The following VARS2 variants were observed in gnomAD, a reference collection of about 807,000 sequenced individuals.
VARS2 encodes valine--tRNA ligase, mitochondrial.
A neutral mutation model predicts 154.1 loss-of-function variants in VARS2; 105 were observed. That is an observed-to-expected ratio of 0.68 (90% CI 0.58 to 0.80). The LOEUF is 0.80. Among genes scored for constraint, VARS2 ranks in the 30% least tolerant of loss-of-function variants. The pLI, the probability that VARS2 is intolerant of heterozygous loss-of-function variation, is 0.00. For missense variants in VARS2, 1,157 were observed against 1,361.4 expected (o/e 0.85, Z 2.36); for synonymous variants, 483 against 539.5 (o/e 0.90, Z 1.45).
chr6:30,922,973 C>A lies in VARS2; in HGVS notation c.2182C>A (p.Gln728Lys). The A allele has an allele frequency of 6.2e-7, 1 of 1,608,902 alleles. No individual in the cohort carries two copies. The highest frequency in any genetic ancestry group is 8.5e-7 in the Non-Finnish European group (1 of 1,177,000). Residue 728 changes from glutamine (Q) to lysine (K), a missense_variant, in exon 23 of 30, where the codon CAG becomes AAG. Physicochemically the swap from Gln to Lys is moderately conservative, Grantham distance 53. Coordinates refer to ENST00000676266, the MANE Select transcript of VARS2 (RefSeq NM_020442.6). ...ATTCACACTCTGCTCCCATGGAGTT[C>A]AGGGTAAGCCTGGGCGAGGGGTGTC... ...LRFTLCSHGV[Q>K]AGDLHLSVSE...
chr6:30,924,018 G>GTGC (rs9281080), intron 25 of VARS2: 120,807 of 426,848 alleles, frequency 0.28, 17,056 homozygotes, highest in Non-Finnish European at 0.33. Flanking sequence ...GTCCCAAGTG[G>GTGC]TGCTGCTGCT....
In VARS2 at chr6:30,917,904, A is replaced by C; in HGVS notation, c.985+98A>C. 2.4e-6 allele frequency: 3 copies of C among 1,261,340 alleles called. No individual in the cohort carries two copies. The highest frequency in any genetic ancestry group is 3.4e-6 in the Non-Finnish European group (3 of 891,308). The allele number at this position is 1,261,340 out of a possible 1,614,324, so 78.1% of individuals were successfully genotyped here. Reference sequence around the variant, plus strand: ...CTAGGAACCCATCAGTCCATCTCTCACATGTACCTTGGTAGTGTTCACCTC... The same window carrying C: ...CTAGGAACCCATCAGTCCATCTCTCCCATGTACCTTGGTAGTGTTCACCTC... On this transcript the variant is annotated intron_variant, in intron 10 of 29. Coordinates refer to ENST00000676266, the MANE Select transcript of VARS2 (RefSeq NM_020442.6). The surrounding 1 kb of genome is among the most constrained non-coding windows in gnomAD (Gnocchi z 4.4).
At chr6:30,922,814 C>A in intron 22 of VARS2, 40 bp downstream of exon 22, 2 of 1,589,244 alleles carry the variant, frequency 1.3e-6, no homozygotes, top group South Asian at 2.3e-5. Flanking sequence ...CTCTAGCTCA[C>A]CACCTCTGGC....
intron 4 of VARS2, 116 bp from the exon 5 acceptor site, chr6:30,915,627 TCTC>T (rs1315421172): frequency 2.0e-4 from 298 of 1,527,808 alleles, no homozygotes; most frequent in Non-Finnish European, 2.6e-4. Context: ...TCCTCTCCAC[TCTC>T]CTCTTATTTG....
At chr6:30,915,897 C>A in intron 5 of VARS2, 30 bp downstream of exon 5, 1 of 1,613,910 alleles carries the variant, frequency 6.2e-7, no homozygotes, top group South Asian at 1.1e-5. Context: ...TGCTTGAGTT[C>A]TTGGAAGGGA....
At chr6:30,925,512 GGC>G (rs1562464138) in intron 27 of VARS2, 30 bp from the exon 28 acceptor site, 1 of 1,559,672 alleles carries the variant, frequency 6.4e-7, no homozygotes, top group Non-Finnish European at 8.6e-7. Context: ...CAGGAGCTGA[GGC>G]CTTGCCCCTG....
Position 30,921,431 on chromosome 6 carries a change from C to G in VARS2, c.1632+126C>G, listed in dbSNP as rs1794505805. 1 of 1,436,286 alleles carries G rather than the reference C, an allele frequency of 7.0e-7. No individual in the cohort carries two copies. Among genetic ancestry groups the G allele is most frequent in the Non-Finnish European group, 9.6e-7 (1 of 1,038,532 alleles). 89.0% of individuals were successfully genotyped at this position (1,436,286 alleles called of 1,614,324 possible). A position where few individuals can be genotyped will look rare whatever the true frequency, so the allele number is the denominator to read the frequency against. ...TGCTTCATGCTCATAGTCATGTAACCTTCTGCGCGATCAAGGCTCCCTGAA... is the reference window on the plus strand; with the variant it reads ...TGCTTCATGCTCATAGTCATGTAACGTTCTGCGCGATCAAGGCTCCCTGAA... On this transcript the variant is annotated intron_variant, in intron 17 of 29. Transcript: ENST00000676266. This position sits in a 1 kb window ranked among gnomAD's most constrained non-coding sequence, Gnocchi z 4.6.
chr6:30,914,859 C>T lies in VARS2; in HGVS notation c.23C>T (p.Ser8Phe). 1 of 1,613,070 alleles carries T rather than the reference C, an allele frequency of 6.2e-7. No individual in the cohort carries two copies. Among genetic ancestry groups the T allele is most frequent in the Non-Finnish European group, 8.5e-7 (1 of 1,180,036 alleles). Residue 8 changes from serine (S) to phenylalanine (F), a missense_variant, in exon 2 of 30, where the codon TCT becomes TTT. By Grantham distance (155) the Ser-to-Phe change is radical. Transcript: ENST00000676266. ...CTGATGCCTCATTTGCCTCTCGCCT[C>T]TTTTCGACCACCATTTTGGGGGCTG... MPHLPLA[S>F]FRPPFWGLRH...
At position 30,916,425 on chromosome 6, in the gene VARS2, G is replaced by A; in HGVS notation, c.671+176G>A. 2 of 570,092 alleles carry A rather than the reference G, an allele frequency of 3.5e-6. No homozygotes were observed. 35.3% of individuals were successfully genotyped at this position (570,092 alleles called of 1,614,324 possible). On this transcript the variant is annotated intron_variant, in intron 7 of 29. Coordinates refer to ENST00000676266, the MANE Select transcript of VARS2 (RefSeq NM_020442.6). The surrounding 1 kb of genome is among the most constrained non-coding windows in gnomAD (Gnocchi z 4.0). ...GGTGGAGTTTCTAAGCCTTATGTGTGTGGATATTATATATGCATTAGAATA... is the reference window on the plus strand; with the variant it reads ...GGTGGAGTTTCTAAGCCTTATGTGTATGGATATTATATATGCATTAGAATA...
Position 30,917,938 on chromosome 6 carries a change from C to A in VARS2, c.985+132C>A, listed in dbSNP as rs1441460446. The A allele has an allele frequency of 8.6e-6, 8 of 927,400 alleles. No homozygotes were observed. In the African/African-American group the frequency reaches 1.2e-4, roughly 14 times the overall value. The allele number at this position is 927,400 out of a possible 1,614,324, so 57.4% of individuals were successfully genotyped here. On this transcript the variant is annotated intron_variant, in intron 10 of 29. Coordinates refer to ENST00000676266, the MANE Select transcript of VARS2 (RefSeq NM_020442.6). The surrounding 1 kb of genome is among the most constrained non-coding windows in gnomAD (Gnocchi z 4.4). ...TTGGTAGTGTTCACCTCAGCGTGGG[C>A]ACTTACCCAGGGTCTTCTGGGGGAT...
chr6:30,922,295 C>T, intron 20 of VARS2, 54 bp downstream of exon 20: 1 of 1,595,808 alleles, frequency 6.3e-7, no homozygotes, highest in South Asian at 1.1e-5. Flanking sequence ...TTCCCCAAAC[C>T]TTGTCCTCCC....
At position 30,920,970 on chromosome 6, in the gene VARS2, G is replaced by C; in HGVS notation, c.1480-95G>C. 1 of 1,362,088 alleles carries C rather than the reference G, an allele frequency of 7.3e-7. No homozygotes were observed. The highest frequency in any genetic ancestry group is 9.9e-7 in the Non-Finnish European group (1 of 1,008,568). 84.4% of individuals were successfully genotyped at this position (1,362,088 alleles called of 1,614,324 possible). A position where few individuals can be genotyped will look rare whatever the true frequency, so the allele number is the denominator to read the frequency against. On this transcript the variant is annotated intron_variant, in intron 15 of 29. Transcript: ENST00000676266. This position sits in a 1 kb window ranked among gnomAD's most constrained non-coding sequence, Gnocchi z 4.6. ...GCAAGAGGCTTGGGAGGTCCTTTCT[G>C]AGTTTTAAAATGACCTCAGAGGCCA...
In VARS2 at chr6:30,924,600, G is replaced by C. The variant is rs2252760; in HGVS notation, c.2673+40G>C. 0.33 allele frequency: 364,844 copies of C among 1,115,990 alleles called. 62,269 individuals carry two copies. Among genetic ancestry groups the C allele is most frequent in the Non-Finnish European group, 0.35 (276,823 of 781,314 alleles). 69.1% of individuals were successfully genotyped at this position (1,115,990 alleles called of 1,614,324 possible). A position where few individuals can be genotyped will look rare whatever the true frequency, so the allele number is the denominator to read the frequency against. ...CCTTGGAGTGGGTCTGTGGGTGAAT[G>C]GGGGGGAGCACCTTCTGAAGGGGTT... is the stretch of plus-strand genomic sequence containing the variant. On this transcript the variant is annotated intron_variant, in intron 26 of 29. Transcript: ENST00000676266.
Position 30,922,100 on chromosome 6 carries a change from C to T in VARS2, c.1807-16C>T, listed in dbSNP as rs774585148. ...GGCCTGGGGCCTGGGCCTCTTACTGCTCCTCTTCCCCCTAGACCCCAGACC... is the reference window on the plus strand; with the variant it reads ...GGCCTGGGGCCTGGGCCTCTTACTGTTCCTCTTCCCCCTAGACCCCAGACC... On this transcript the variant is annotated splice_polypyrimidine_tract_variant and intron_variant, in intron 19 of 29. Coordinates refer to ENST00000676266, the MANE Select transcript of VARS2 (RefSeq NM_020442.6). 6.2e-6 allele frequency: 10 copies of T among 1,612,258 alleles called. No homozygotes were observed. The highest frequency in any genetic ancestry group is 7.6e-6 in the Non-Finnish European group (9 of 1,179,692).
chr6:30,916,900 C>G lies in VARS2; in HGVS notation c.694C>G (p.Gln232Glu). The G allele has an allele frequency of 6.2e-7, 1 of 1,614,170 alleles. No individual in the cohort carries two copies. Among genetic ancestry groups the G allele is most frequent in the Non-Finnish European group, 8.5e-7 (1 of 1,180,018 alleles). The change falls in exon 8 of 30, where the codon CAG becomes GAG. Residue 232 changes from glutamine to glutamate, a missense_variant. By Grantham distance (29) the Gln-to-Glu change is conservative. Coordinates refer to ENST00000676266, the MANE Select transcript of VARS2 (RefSeq NM_020442.6). The surrounding 1 kb of genome is among the most constrained non-coding windows in gnomAD (Gnocchi z 4.0). ...KEAKGGEICE[Q>E]LRALGASLDW... is the part of the protein sequence containing the mutation. Reference sequence around the variant, plus strand: ...CAGGAAAGGTGGAGAGATCTGTGAGCAGCTGCGAGCTCTGGGTGCCTCCCT... The same window carrying G: ...CAGGAAAGGTGGAGAGATCTGTGAGGAGCTGCGAGCTCTGGGTGCCTCCCT...
chr6:30,921,349 C>T lies in VARS2; in HGVS notation c.1632+44C>T. On this transcript the variant is annotated intron_variant, in intron 17 of 29. Transcript: ENST00000676266. This position sits in a 1 kb window ranked among gnomAD's most constrained non-coding sequence, Gnocchi z 4.6. ...CCGGAGGGCCGAGTGTGGCACAGAG[C>T]ACCTAGCCCAGGAGTCAGAGCTCCG... 2 of 1,610,146 alleles carry T rather than the reference C, an allele frequency of 1.2e-6. No individual in the cohort carries two copies. The highest frequency in any genetic ancestry group is 1.7e-6 in the Non-Finnish European group (2 of 1,176,852).
In VARS2 at chr6:30,917,256, G is replaced by C. The variant is rs371486145; in HGVS notation, c.873+32G>C. 14 of 1,613,658 alleles carry C rather than the reference G, an allele frequency of 8.7e-6. No individual in the cohort carries two copies. The African/African-American group carries it at 1.6e-4, about 18-fold the overall frequency. On this transcript the variant is annotated intron_variant, in intron 9 of 29. Coordinates refer to ENST00000676266, the MANE Select transcript of VARS2 (RefSeq NM_020442.6). This position sits in a 1 kb window ranked among gnomAD's most constrained non-coding sequence, Gnocchi z 4.4. ...CGGAGAGAGGGAAGCAGGTTTGTGAGAGCTCTGAGGCAGAGTGGTCAATGA... is the reference window on the plus strand; with the variant it reads ...CGGAGAGAGGGAAGCAGGTTTGTGACAGCTCTGAGGCAGAGTGGTCAATGA...
At position 30,920,564 on chromosome 6, in the gene VARS2, A is replaced by C. The variant is rs994471537; in HGVS notation, c.1398-104A>C. On this transcript the variant is annotated intron_variant, in intron 14 of 29. Transcript: ENST00000676266. This position sits in a 1 kb window ranked among gnomAD's most constrained non-coding sequence, Gnocchi z 4.6. ...GAGCTCCGTGTCGGTTTTATTCGCT[A>C]TTGTATCCTCAGTACCAAGGGCCTG... 7.4e-7 allele frequency: 1 copy of C among 1,350,272 alleles called. No individual in the cohort carries two copies. The highest frequency in any genetic ancestry group is 1.0e-6 in the Non-Finnish European group (1 of 996,728). The allele number at this position is 1,350,272 out of a possible 1,614,324, so 83.6% of individuals were successfully genotyped here.
chr6:30,925,608 C>T lies in VARS2; in HGVS notation c.2850C>T (p.Gly950=). The part of the protein sequence containing the change: ...GLFEAFLEPL[G]TLGYCGAVGL... ...TCGAGGCCTTCTTGGAGCCCCTGGGCACCCTGGGCTACTGTGGGGCTGTGG... is the reference window on the plus strand; with the variant it reads ...TCGAGGCCTTCTTGGAGCCCCTGGGTACCCTGGGCTACTGTGGGGCTGTGG... The change falls in exon 28 of 30, where the codon GGC becomes GGT. Residue 950 remains glycine, a synonymous_variant. Coordinates refer to ENST00000676266, the MANE Select transcript of VARS2 (RefSeq NM_020442.6). 2 of 1,611,466 alleles carry T rather than the reference C, an allele frequency of 1.2e-6. No individual in the cohort carries two copies. Among genetic ancestry groups the T allele is most frequent in the South Asian group, 1.1e-5 (1 of 90,992 alleles).
Sources: allele counts gnomAD v4.1 joint callset, GRCh38; gene constraint gnomAD v4.1.1; non-coding constraint Gnocchi (gnomAD v3.1); transcripts MANE v1.5; gene names NCBI Gene and HGNC (gene_info 2026-07-23, HGNC 2026-07-21).